SGSM1: variants seen among roughly 807,000 people sequenced by gnomAD.
SGSM1 encodes the protein RUN and TBC1 domain containing 2.
Under a neutral mutation model 133.8 loss-of-function variants are expected in SGSM1, and 73 were observed. The observed-to-expected ratio is 0.55, with a 90% CI of 0.45 to 0.66. The LOEUF is 0.66. Among genes scored for constraint, SGSM1 ranks in the 30% least tolerant of loss-of-function variants. SGSM1 has a pLI of 0.00. For missense variants in SGSM1, 1,213 were observed against 1,448.1 expected (o/e 0.84, Z 2.64); for synonymous variants, 563 against 573.0 (o/e 0.98, Z 0.25).
At chr22:24,924,010 C>T (rs1321347815) in intron 24 of SGSM1, among the ~76,000 whole-genome samples, 176 bp from the exon 25 acceptor site, 5 of 152,168 alleles carry the variant, frequency 3.3e-5, no homozygotes. Context: ...CTGTTCCAAT[C>T]CCCATTTTAC....
intron 20 of SGSM1, among the ~76,000 whole-genome samples, chr22:24,904,361 A>G (rs1414727834): frequency 6.6e-6 from 1 of 152,040 alleles, no homozygotes; most frequent in Non-Finnish European, 1.5e-5. Context: ...CGGGCGGGTC[A>G]TGAGGTCAGG....
At chr22:24,812,145 G>T (rs917307603) in intron 2 of SGSM1, among the ~76,000 whole-genome samples, 4 of 149,624 alleles carry the variant, frequency 2.7e-5, no homozygotes, top group Non-Finnish European at 4.4e-5. Context: ...ACTTCAGCCT[G>T]GGTGACAAAG....
chr22:24,917,055 C>CTT (rs139775), intron 22 of SGSM1, among the ~76,000 whole-genome samples: 7 of 118,448 alleles, frequency 5.9e-5, no homozygotes, highest in Non-Finnish European at 1.2e-4. Flanking sequence ...ATAAAAAATT[C>CTT]TTTTTTTTTT....
chr22:24,882,006 A>T (rs551859300), intron 14 of SGSM1, among the ~76,000 whole-genome samples: 29 of 150,722 alleles, frequency 1.9e-4, no homozygotes, highest in Non-Finnish European at 3.5e-4. Context: ...CTGGTTACTG[A>T]CTTGGGGGGG....
intron 12 of SGSM1, among the ~76,000 whole-genome samples, chr22:24,870,836 G>A (rs546929096): frequency 4.6e-5 from 7 of 152,236 alleles, no homozygotes; most frequent in African/African-American, 1.7e-4. Flanking sequence ...ATACATGTTC[G>A]GCACAGTCTC....
At chr22:24,874,624 A>G (rs1163909041) in intron 12 of SGSM1, 1 of 1,522,994 alleles carries the variant, frequency 6.6e-7, no homozygotes, top group South Asian at 1.3e-5. Flanking sequence ...GGTGCCAGCC[A>G]CCTCTGCCAT....
At position 24,806,291 on chromosome 22, in the gene SGSM1, C is replaced by A. The variant is rs1187431962; in HGVS notation, c.-35C>A. On this transcript the variant is annotated 5_prime_UTR_variant, in exon 1 of 25. Transcript: ENST00000400358. ...GAGCTACCGCCGCCACCGCCGCCAC[C>A]GCCTCCTGGGACTCGGAACGCAGCG... is the stretch of plus-strand genomic sequence containing the variant. 7.0e-7 allele frequency: 1 copy of A among 1,419,246 alleles called. No individual in the cohort carries two copies. Among genetic ancestry groups the A allele is most frequent in the Non-Finnish European group, 9.2e-7 (1 of 1,090,510 alleles). The allele number at this position is 1,419,246 out of a possible 1,614,324, so 87.9% of individuals were successfully genotyped here.
chr22:24,882,745 G>T lies in SGSM1; in HGVS notation c.1496-1308G>T, dbSNP rs559626241. 1.1e-4 allele frequency among the ~76,000 whole-genome samples: 17 copies of T among 152,168 alleles called. No individual in the cohort carries two copies. The East Asian group carries it at 3.3e-3, about 29-fold the overall frequency. On this transcript the variant is annotated intron_variant, in intron 14 of 24. Transcript: ENST00000400358. ...ACTACTTTTTTAGATCCCATTATAA[G>T]TAAGAACATGTGATATTTGTCTTTC...
intron 14 of SGSM1, among the ~76,000 whole-genome samples, chr22:24,880,025 A>G (rs1454816637): frequency 6.6e-6 from 1 of 152,188 alleles, no homozygotes; most frequent in African/African-American, 2.4e-5. Flanking sequence ...TGAAGACACT[A>G]AGGCACAGAG....
intron 12 of SGSM1, among the ~76,000 whole-genome samples, chr22:24,872,254 G>C (rs112613249): frequency 6.6e-6 from 1 of 152,136 alleles, no homozygotes; most frequent in Non-Finnish European, 1.5e-5. Context: ...ACCTGTCTCC[G>C]CTGGGTTCTT....
At chr22:24,887,105 A>G (rs1319193025) in intron 16 of SGSM1, among the ~76,000 whole-genome samples, 6 of 75,316 alleles carry the variant, frequency 8.0e-5, no homozygotes, top group African/African-American at 7.9e-5. Context: ...ACTTGTACTT[A>G]TTTGTGTGTG....
At chr22:24,867,280 G>A (rs1338612932) in intron 10 of SGSM1, 120 bp downstream of exon 10, 3 of 945,172 alleles carry the variant, frequency 3.2e-6, no homozygotes, top group Non-Finnish European at 3.3e-6. Context: ...CATGTTACCT[G>A]TGCAACCTTA....
At chr22:24,837,651 A>G (rs1929536198) in intron 2 of SGSM1, among the ~76,000 whole-genome samples, 1 of 145,230 alleles carries the variant, frequency 6.9e-6, no homozygotes, top group African/African-American at 2.6e-5. Flanking sequence ...CCGCTGGACC[A>G]CGATCCGCCT....
chr22:24,920,845 C>A (rs1933980434), intron 24 of SGSM1, among the ~76,000 whole-genome samples: 1 of 152,168 alleles, frequency 6.6e-6, no homozygotes, highest in Non-Finnish European at 1.5e-5. Context: ...GATACCTTGG[C>A]CTCGCTTTGC....
chr22:24,882,223 T>G (rs1488206262), intron 14 of SGSM1, among the ~76,000 whole-genome samples: 1 of 152,038 alleles, frequency 6.6e-6, no homozygotes, highest in African/African-American at 2.4e-5. Flanking sequence ...GGTGCCAGTA[T>G]GCCTGGCTAG....
At chr22:24,920,682 C>A (rs1246374604) in intron 24 of SGSM1, among the ~76,000 whole-genome samples, 1 of 143,508 alleles carries the variant, frequency 7.0e-6, no homozygotes, top group Non-Finnish European at 1.6e-5. Flanking sequence ...TGGAAAAAAA[C>A]AAAAGAAAAA....
chr22:24,925,726 A>G lies in SGSM1; in HGVS notation c.*1452A>G, dbSNP rs1934177684. ...CTCTAAGTGCAGTTACTCACTCAGG[A>G]CAAAGGAGGAAAAGGAAGGCAGAGG... is the stretch of plus-strand genomic sequence containing the variant. On this transcript the variant is annotated 3_prime_UTR_variant, in exon 25 of 25. Transcript: ENST00000400358. The G allele has an allele frequency of 6.6e-6, 1 of 152,250 alleles. No homozygotes were observed. Among genetic ancestry groups the G allele is most frequent in the Non-Finnish European group, 1.5e-5 (1 of 68,126 alleles). 9.4% of individuals were successfully genotyped at this position (152,250 alleles called of 1,614,324 possible).
At chr22:24,894,304 A>C (rs1932867181) in intron 17 of SGSM1, among the ~76,000 whole-genome samples, 1 of 152,194 alleles carries the variant, frequency 6.6e-6, no homozygotes, top group African/African-American at 2.4e-5. Context: ...GAGGCAGGAG[A>C]ATCACTTAAA....
chr22:24,887,387 T>A (rs1403366800), intron 16 of SGSM1, among the ~76,000 whole-genome samples: 2 of 152,194 alleles, frequency 1.3e-5, no homozygotes, highest in African/African-American at 2.4e-5. Flanking sequence ...TGACTTTTTT[T>A]CACTCAGCAT....
Sources: allele counts gnomAD v4.1 joint callset (sites outside exome capture counted in the v4.1 genomes callset), GRCh38; gene constraint gnomAD v4.1.1; transcripts MANE v1.5; gene names NCBI Gene and HGNC (gene_info 2026-07-23, HGNC 2026-07-21).